SH3D21: variants seen among roughly 807,000 people sequenced by gnomAD.
SH3D21 encodes the protein manchette microtubule inner protein 1, also known as SH3 domain-containing protein 21.
A neutral mutation model predicts 82.1 loss-of-function variants in SH3D21; 83 were observed. The observed-to-expected ratio is 1.01, with a 90% CI of 0.85 to 1.21. SH3D21 has a LOEUF of 1.21. Among genes scored for constraint, SH3D21 ranks in the 50% most tolerant of loss-of-function variants. The pLI is 0.00. For synonymous variants in SH3D21, 383 were observed against 387.8 expected, an observed-to-expected ratio of 0.99 and a Z score of 0.15; for missense variants, 980 against 962.1, an observed-to-expected ratio of 1.02 and a Z score of -0.25.
At position 36,320,918 on chromosome 1, in the gene SH3D21, G is replaced by A. The variant is rs745963682; in HGVS notation, c.2139G>A (p.Arg713=). ...TCACCTCCGCCTCGGCCCGCAGGAG[G>A]AAGCTGACCGACATCTGGGAGGAGC... ...ALELMEVQLE[R]KLTDIWEELK... The change falls in exon 15 of 16, where the codon AGG becomes AGA. Residue 713 remains arginine, a synonymous_variant. Coordinates refer to ENST00000453908, the MANE Select transcript of SH3D21 (RefSeq NM_001162530.2). 6.4e-7 allele frequency: 1 copy of A among 1,563,264 alleles called. No homozygotes were observed. The highest frequency in any genetic ancestry group is 8.7e-7 in the Non-Finnish European group (1 of 1,153,868).
intron 10 of SH3D21, among the ~76,000 whole-genome samples, chr1:36,311,575 T>A (rs143246226): frequency 6.6e-6 from 1 of 152,342 alleles, no homozygotes; most frequent in East Asian, 1.9e-4. Context: ...ATATTAGTGC[T>A]TTTATTCATG....
chr1:36,319,521 C>T lies in SH3D21; in HGVS notation c.996C>T (p.Arg332=). The T allele has an allele frequency of 6.4e-7, 1 of 1,551,664 alleles. No individual in the cohort carries two copies. The highest frequency in any genetic ancestry group is 8.7e-7 in the Non-Finnish European group (1 of 1,146,922). ...KRSKTQTPQQ[R]SVSSQEEEHS... ...CCAAAACCCAGACTCCCCAGCAACG[C>T]TCTGTGTCCAGTCAGGTGAGGGGCG... The change falls in exon 13 of 16, where the codon CGC becomes CGT. Residue 332 remains arginine (R), a synonymous_variant. Transcript: ENST00000453908.
chr1:36,312,390 CTT>C (rs1646259417), intron 10 of SH3D21, among the ~76,000 whole-genome samples: 1 of 152,102 alleles, frequency 6.6e-6, no homozygotes, highest in South Asian at 2.1e-4. Context: ...TTTATTGTGT[CTT>C]TTAAAAAATA....
downstream of SH3D21, chr1:36,321,496 A>G: frequency 1.2e-6 from 1 of 853,464 alleles, no homozygotes; most frequent in Non-Finnish European, 1.5e-6. This position sits in a 1 kb window ranked among gnomAD's most constrained non-coding sequence, Gnocchi z 6.1. Flanking sequence ...TAGATTCCGG[A>G]ATCCAGCTGT....
At chr1:36,327,971 C>T (rs756249214), downstream of SH3D21, 3 of 854,124 alleles carry the variant, frequency 3.5e-6, no homozygotes, top group South Asian at 2.8e-5. Flanking sequence ...GTGTCACCTG[C>T]TGTTCTGGCC....
In SH3D21 at chr1:36,320,214, C is replaced by T; in HGVS notation, c.1551C>T (p.Tyr517=). The T allele has an allele frequency of 6.2e-7, 1 of 1,613,284 alleles. No homozygotes were observed. The highest frequency in any genetic ancestry group is 1.3e-5 in the African/African-American group (1 of 75,032). ...AGGAAGCCCTGCAGAAGGTCAAGTA[C>T]TTTGTAGCCAAAGAGGATCCATCAT... ...SSEEALQKVK[Y]FVAKEDPSSQ... is the part of the protein sequence containing the mutation. The change falls in exon 14 of 16, where the codon TAC becomes TAT. Residue 517 remains tyrosine, a synonymous_variant. Transcript: ENST00000453908.
At chr1:36,321,556 A>G (rs1646464052), downstream of SH3D21, 17 of 743,902 alleles carry the variant, frequency 2.3e-5, no homozygotes, top group Admixed American at 9.9e-5. This position sits in a 1 kb window ranked among gnomAD's most constrained non-coding sequence, Gnocchi z 6.1. Context: ...GACCCCTCCC[A>G]GCTGGCCTCC....
chr1:36,319,144 C>T lies in SH3D21; in HGVS notation c.843C>T (p.Thr281=). 4 of 1,551,648 alleles carry T rather than the reference C, an allele frequency of 2.6e-6. No homozygotes were observed. Among genetic ancestry groups the T allele is most frequent in the Non-Finnish European group, 3.5e-6 (4 of 1,146,892 alleles). Residue 281 remains threonine (T), a synonymous_variant, in exon 11 of 16, where the codon ACC becomes ACT. Transcript: ENST00000453908. ...CAGTCAAGAAGCTAGCAACAGCCAC[C>T]ACTGGGCCCAGCAAAGCCAAGTAAG... is the stretch of plus-strand genomic sequence containing the variant. The part of the protein sequence containing the change: ...LPTVKKLATA[T]TGPSKAKTSR...
intron 10 of SH3D21, among the ~76,000 whole-genome samples, chr1:36,310,318 A>C (rs1380305595): frequency 6.6e-6 from 1 of 152,160 alleles, no homozygotes; most frequent in Non-Finnish European, 1.5e-5. Flanking sequence ...ATGTTATAAA[A>C]TTTAACACCC....
Position 36,308,155 on chromosome 1 carries a change from G to A in SH3D21, c.585G>A (p.Glu195=), listed in dbSNP as rs954640617. Residue 195 remains glutamate, a synonymous_variant, in exon 8 of 16, where the codon GAG becomes GAA. Transcript: ENST00000453908. ...GGGTCCTGTTTGACTACCAGCCTGA[G>A]GCCCCAGACGAGTTGGCGCTGCGGA... ...VYRVLFDYQP[E]APDELALRRG... 3.8e-5 allele frequency: 59 copies of A among 1,549,830 alleles called. No individual in the cohort carries two copies. The Admixed American group carries it at 1.1e-3, about 29-fold the overall frequency.
chr1:36,321,157 ACC>A lies in SH3D21; in HGVS notation c.*31_*32del, dbSNP rs1646455567. 6.2e-7 allele frequency: 1 copy of A among 1,603,130 alleles called. No individual in the cohort carries two copies. The highest frequency in any genetic ancestry group is 8.5e-7 in the Non-Finnish European group (1 of 1,175,382). ...GGGCCTGGGAAGGGACCGCGGCCTG[ACC>A]TGGCTGGGGCCACCCACGTCCTTGC... On this transcript the variant is annotated 3_prime_UTR_variant, in exon 16 of 16. Transcript: ENST00000453908. This position sits in a 1 kb window ranked among gnomAD's most constrained non-coding sequence, Gnocchi z 6.1.
rs1281432010 is a variant in SH3D21, at chr1:36,321,121, C to T, written c.2265C>T (p.Thr755=). Residue 755 remains threonine (T), a synonymous_variant, in exon 16 of 16, where the codon ACC becomes ACT. Transcript: ENST00000453908. This position sits in a 1 kb window ranked among gnomAD's most constrained non-coding sequence, Gnocchi z 6.1. The stretch of plus-strand genomic sequence containing the variant: ...GCGTCATCCACACGCAGACGCAGAC[C>T]TACTGAGGGTGGGCCTGGGAAGGGA... ...TPRVIHTQTQ[T]Y is the part of the protein sequence containing the mutation. The T allele has an allele frequency of 2.5e-6, 4 of 1,611,094 alleles. No individual in the cohort carries two copies. Among genetic ancestry groups the T allele is most frequent in the Non-Finnish European group, 3.4e-6 (4 of 1,178,994 alleles).
At chr1:36,316,298 G>A (rs532893222) in intron 10 of SH3D21, among the ~76,000 whole-genome samples, 2 of 152,248 alleles carry the variant, frequency 1.3e-5, no homozygotes, top group East Asian at 3.9e-4. Context: ...GCAATGATGC[G>A]ATCTCAGCTC....
In SH3D21 at chr1:36,307,091, T is replaced by A. The variant is rs1570369079; in HGVS notation, c.227-76T>A. The A allele has an allele frequency of 3.9e-6, 6 of 1,538,428 alleles. No homozygotes were observed. Among genetic ancestry groups the A allele is most frequent in the Non-Finnish European group, 5.3e-6 (6 of 1,139,918 alleles). ...GGGGCTGGAGGGACCAAAGGCTACG[T>A]GCGCGCCTTGCGCTTCCCCCAGCTC... On this transcript the variant is annotated intron_variant, in intron 3 of 15. Transcript: ENST00000453908. This position sits in a 1 kb window ranked among gnomAD's most constrained non-coding sequence, Gnocchi z 5.4.
In SH3D21 at chr1:36,319,703, C is replaced by A; in HGVS notation, c.1040C>A (p.Ala347Asp). Residue 347 changes from alanine (A) to aspartate (D), a missense_variant, in exon 14 of 16, where the codon GCC becomes GAC. Ala to Asp is a moderately radical substitution (Grantham distance 126). Transcript: ENST00000453908. ...QEEEHSSPVKAPSVKRTPMPD... is the reference protein window; with the variant it reads ...QEEEHSSPVKDPSVKRTPMPD... ...GAAGAGCACAGCAGCCCGGTAAAGG[C>A]CCCCTCTGTGAAGAGAACCCCCATG... 1 of 1,592,138 alleles carries A rather than the reference C, an allele frequency of 6.3e-7. No individual in the cohort carries two copies. The highest frequency in any genetic ancestry group is 1.1e-5 in the South Asian group (1 of 87,380).
downstream of SH3D21, among the ~76,000 whole-genome samples, chr1:36,327,296 G>A (rs1435699787): frequency 6.6e-6 from 1 of 152,242 alleles, no homozygotes; most frequent in Non-Finnish European, 1.5e-5. Flanking sequence ...GTTTGCACAG[G>A]TAGCTTATTT....
In SH3D21 at chr1:36,320,181, C is replaced by T; in HGVS notation, c.1518C>T (p.Phe506=). The change falls in exon 14 of 16, where the codon TTC becomes TTT. Residue 506 remains phenylalanine, a synonymous_variant. Transcript: ENST00000453908. ...STRDDIQFHH[F]SSEEALQKVK... ...GAGATGACATTCAATTCCATCACTT[C>T]TCTTCGGAGGAAGCCCTGCAGAAGG... 2 of 1,613,622 alleles carry T rather than the reference C, an allele frequency of 1.2e-6. No homozygotes were observed. Among genetic ancestry groups the T allele is most frequent in the African/African-American group, 2.7e-5 (2 of 75,044 alleles).
chr1:36,324,930 GT>G (rs1646526958), downstream of SH3D21: 1 of 152,226 alleles, frequency 6.6e-6, no homozygotes, highest in African/African-American at 2.4e-5. Flanking sequence ...CACAGCATCT[GT>G]GGGTTTAACC....
In SH3D21 at chr1:36,306,403, G is replaced by A. The variant is rs1272702929; in HGVS notation, c.-18G>A. On this transcript the variant is annotated 5_prime_UTR_variant, in exon 1 of 16. Transcript: ENST00000453908. The surrounding 1 kb of genome is among the most constrained non-coding windows in gnomAD (Gnocchi z 4.5). Reference sequence around the variant, plus strand: ...CGTCAGAGGGAGCTGCCAGGCTCTGGAGGGCGCCCCGGAAACCATGGGTAA... The same window carrying A: ...CGTCAGAGGGAGCTGCCAGGCTCTGAAGGGCGCCCCGGAAACCATGGGTAA... 3.1e-6 allele frequency: 4 copies of A among 1,305,302 alleles called. No homozygotes were observed. Among genetic ancestry groups the A allele is most frequent in the Non-Finnish European group, 4.0e-6 (4 of 988,976 alleles). 80.9% of individuals were successfully genotyped at this position (1,305,302 alleles called of 1,614,324 possible). A position where few individuals can be genotyped will look rare whatever the true frequency, so the allele number is the denominator to read the frequency against.
Sources: gnomAD v4.1 joint callset for allele counts (sites outside exome capture counted in the v4.1 genomes callset) on GRCh38, gnomAD v4.1.1 for gene constraint, Gnocchi (gnomAD v3.1) non-coding constraint, MANE v1.5 for transcripts, NCBI Gene and HGNC (gene_info 2026-07-23, HGNC 2026-07-21) for gene names.